The following KCNU1 variants were observed in gnomAD, a reference collection of about 807,000 sequenced individuals.
KCNU1 encodes the protein potassium channel subfamily U member 1.
Under a neutral mutation model 126.8 loss-of-function variants are expected in KCNU1, and 93 were observed. The ratio of observed to expected loss-of-function variants is 0.73; its 90% CI spans 0.62 to 0.87. KCNU1 has a LOEUF of 0.87. Among genes scored for constraint, KCNU1 ranks in the 40% least tolerant of loss-of-function variants. The probability of loss-of-function intolerance (pLI) is 0.00; values close to 1 mark genes in which losing one functional copy is unlikely to be tolerated. For synonymous variants in KCNU1, 523 were observed against 494.2 expected (o/e 1.06, Z -0.77); for missense variants, 1,330 against 1,367.1 (o/e 0.97, Z 0.43).
chr8:36,913,155 T>A (rs1028213410), intron 22 of KCNU1, among the ~76,000 whole-genome samples: 1 of 152,042 alleles, frequency 6.6e-6, no homozygotes, highest in Non-Finnish European at 1.5e-5. Context: ...ATTATAATTT[T>A]AGTTTCCTTT....
chr8:36,837,590 T>G lies in KCNU1; in HGVS notation c.1518+645T>G, dbSNP rs538063732. ...AGAGCTAGAACTGTCTGGTCCACAG[T>G]GTTGTTACCACAATGCTGTATGCCT... On this transcript the variant is annotated intron_variant, in intron 14 of 26. Transcript: ENST00000399881. 1.6e-3 allele frequency among the ~76,000 whole-genome samples: 238 copies of G among 152,326 alleles called. 1 individual carries two copies. The highest frequency in any genetic ancestry group is 5.3e-3 in the African/African-American group (222 of 41,574).
At chr8:36,817,854 T>A in intron 10 of KCNU1, 94 bp downstream of exon 10, 1 of 631,054 alleles carries the variant, frequency 1.6e-6, no homozygotes, top group Non-Finnish European at 2.8e-6. Context: ...ACAATATTTA[T>A]AGAAAAAGTA....
intron 26 of KCNU1, among the ~76,000 whole-genome samples, chr8:36,934,423 G>C (rs1022995196): frequency 6.6e-6 from 1 of 151,854 alleles, no homozygotes; most frequent in African/African-American, 2.4e-5. Flanking sequence ...CAAGACAATG[G>C]GGGAGGAGTG....
intron 19 of KCNU1, among the ~76,000 whole-genome samples, chr8:36,898,523 T>C (rs946664464): frequency 7.9e-5 from 12 of 151,836 alleles, no homozygotes; most frequent in Admixed American, 1.3e-4. Context: ...GAGGTAGTTT[T>C]CAGATATCTC....
Position 36,905,713 on chromosome 8 carries a change from T to A in KCNU1, c.2015T>A (p.Leu672His). The A allele has an allele frequency of 6.3e-7, 1 of 1,576,552 alleles. No individual in the cohort carries two copies. Among genetic ancestry groups the A allele is most frequent in the African/African-American group, 1.3e-5 (1 of 74,208 alleles). Residue 672 changes from leucine to histidine, a missense_variant, in exon 20 of 27, where the codon CTT becomes CAT. Physicochemically the swap from Leu to His is moderately conservative, Grantham distance 99 (BLOSUM62 -3). Transcript: ENST00000399881. ...SSISNFTTRT[L>H]QHDVEQDSDQ... ...TCTCCATTCTTCCTATTTAGGACTC[T>A]TCAACATGATGTAGAACAAGATTCT...
chr8:36,866,020 G>A (rs184883200), intron 19 of KCNU1, among the ~76,000 whole-genome samples: 383 of 152,150 alleles, frequency 2.5e-3, no homozygotes, highest in Non-Finnish European at 4.3e-3. Context: ...TTTCAGAAGT[G>A]GTGGGTGGGG....
intron 18 of KCNU1, among the ~76,000 whole-genome samples, chr8:36,854,375 G>A (rs1252679360): frequency 6.6e-6 from 1 of 151,786 alleles, no homozygotes; most frequent in Admixed American, 6.6e-5. Flanking sequence ...TAATGTCCCA[G>A]CGGTCCCTTA....
intron 19 of KCNU1, among the ~76,000 whole-genome samples, chr8:36,888,303 A>G (rs1391199323): frequency 6.6e-6 from 1 of 152,164 alleles, no homozygotes; most frequent in Non-Finnish European, 1.5e-5. Flanking sequence ...TCAAAACCAC[A>G]GTAACAGAAA....
At chr8:36,806,074 C>T (rs1459550845) in intron 4 of KCNU1, among the ~76,000 whole-genome samples, 195 bp from the exon 5 acceptor site, 1 of 152,064 alleles carries the variant, frequency 6.6e-6, no homozygotes, top group Non-Finnish European at 1.5e-5. Context: ...AAACTCCTGA[C>T]CTCAAGCTAT....
intron 19 of KCNU1, among the ~76,000 whole-genome samples, chr8:36,896,597 C>A (rs933088979): frequency 6.6e-6 from 1 of 151,958 alleles, no homozygotes; most frequent in Non-Finnish European, 1.5e-5. Flanking sequence ...TTTAAGACAT[C>A]TAAAATTTGG....
intron 15 of KCNU1, 84 bp from the exon 16 acceptor site, chr8:36,840,848 C>T: frequency 2.0e-6 from 2 of 980,216 alleles, no homozygotes; most frequent in East Asian, 2.4e-5. Context: ...TTGGTTTCCT[C>T]CTAGGCACAG....
chr8:36,860,540 C>T (rs1239308573), intron 18 of KCNU1, among the ~76,000 whole-genome samples: 1 of 152,250 alleles, frequency 6.6e-6, no homozygotes, highest in South Asian at 2.1e-4. Flanking sequence ...CCTGCTATTT[C>T]TTCATTGCAG....
At chr8:36,880,952 T>A (rs1344209146) in intron 19 of KCNU1, among the ~76,000 whole-genome samples, 1 of 151,950 alleles carries the variant, frequency 6.6e-6, no homozygotes, top group Non-Finnish European at 1.5e-5. Context: ...ACATGAAGGA[T>A]TCTGAGTAAT....
At chr8:36,813,940 C>G (rs192442503) in intron 7 of KCNU1, among the ~76,000 whole-genome samples, 4 of 152,134 alleles carry the variant, frequency 2.6e-5, no homozygotes. Context: ...CATCTGTCCC[C>G]GGTGGAGCTT....
At chr8:36,793,501 GA>G (rs998091299) in intron 2 of KCNU1, among the ~76,000 whole-genome samples, 5 of 151,796 alleles carry the variant, frequency 3.3e-5, no homozygotes, top group South Asian at 2.1e-4. Flanking sequence ...ATTCAATCCA[GA>G]AAAAAATATA....
intron 24 of KCNU1, among the ~76,000 whole-genome samples, chr8:36,930,668 T>A (rs1808673539): frequency 6.6e-6 from 1 of 152,158 alleles, no homozygotes; most frequent in Non-Finnish European, 1.5e-5. Context: ...AAGAGGGGAA[T>A]GCCTGGTGTC....
intron 10 of KCNU1, among the ~76,000 whole-genome samples, chr8:36,818,163 A>G (rs528616854): frequency 2.6e-5 from 4 of 152,332 alleles, no homozygotes; most frequent in South Asian, 2.1e-4. Context: ...TGTGCAGTCT[A>G]TCTTTCCACT....
At chr8:36,875,473 ATATAT>A (rs972109974) in intron 19 of KCNU1, among the ~76,000 whole-genome samples, 8 of 150,446 alleles carry the variant, frequency 5.3e-5, no homozygotes, top group South Asian at 2.1e-4. Flanking sequence ...CACATTACAG[ATATAT>A]TATATATATA....
chr8:36,822,513 A>G (rs189477197), intron 10 of KCNU1, among the ~76,000 whole-genome samples: 1 of 152,340 alleles, frequency 6.6e-6, no homozygotes, highest in Non-Finnish European at 1.5e-5. Context: ...AGGTTCTTGT[A>G]AGATTCTATA....
Sources: gnomAD v4.1 joint callset for allele counts (sites outside exome capture counted in the v4.1 genomes callset) on GRCh38, gnomAD v4.1.1 for gene constraint, MANE v1.5 for transcripts, NCBI Gene and HGNC (gene_info 2026-07-23, HGNC 2026-07-21) for gene names.